SCHIP1: variants seen among roughly 807,000 people sequenced by gnomAD.
SCHIP1 encodes the protein schwannomin-interacting protein 1.
Under a neutral mutation model 29.7 loss-of-function variants are expected in SCHIP1, and 8 were observed. The observed-to-expected ratio is 0.27, with a 90% CI of 0.16 to 0.49. The LOEUF is 0.49. Among genes scored for constraint, SCHIP1 ranks in the 20% least tolerant of loss-of-function variants. SCHIP1 has a pLI of 0.99. For missense variants in SCHIP1, 193 were observed against 294.6 expected (o/e 0.66, Z 2.52); for synonymous variants, 76 against 94.9 (o/e 0.80, Z 1.16).
At chr3:159,671,581 T>A in the SCHIP1 span, among the ~76,000 whole-genome samples, 1 of 152,164 alleles carries the variant, frequency 6.6e-6, no homozygotes, top group African/African-American at 2.4e-5. Context: ...ATGTGAACCA[T>A]AATATGGATC....
the SCHIP1 span, among the ~76,000 whole-genome samples, chr3:159,616,223 T>C: frequency 6.6e-6 from 1 of 152,202 alleles, no homozygotes; most frequent in Middle Eastern, 3.2e-3. Context: ...CTCAGCCTCC[T>C]GAGTAGTTGG....
At chr3:159,451,747 A>G in the SCHIP1 span, among the ~76,000 whole-genome samples, 1 of 152,174 alleles carries the variant, frequency 6.6e-6, no homozygotes, top group Non-Finnish European at 1.5e-5. Context: ...AGAAGGAAAA[A>G]TAATGCACGT....
the SCHIP1 span, among the ~76,000 whole-genome samples, chr3:159,795,085 G>GT: frequency 2.0e-5 from 3 of 152,308 alleles, no homozygotes; most frequent in East Asian, 5.8e-4. Flanking sequence ...TAAAGGAGCG[G>GT]TGAACTGTAC....
upstream of SCHIP1, among the ~76,000 whole-genome samples, chr3:159,838,359 C>T (rs1743873621): frequency 6.6e-6 from 1 of 152,184 alleles, no homozygotes; most frequent in African/African-American, 2.4e-5. Flanking sequence ...ACTTGTCAAA[C>T]ATGTCAATTC....
the SCHIP1 span, among the ~76,000 whole-genome samples, chr3:159,341,389 A>C: frequency 8.6e-5 from 13 of 151,728 alleles, no homozygotes; most frequent in Admixed American, 7.9e-4. Flanking sequence ...TTAAAGAAAA[A>C]CTCTTTCTCA....
chr3:159,769,665 G>A, the SCHIP1 span, among the ~76,000 whole-genome samples: 9 of 152,258 alleles, frequency 5.9e-5, no homozygotes, highest in South Asian at 4.1e-4. Flanking sequence ...CAGGAGAATC[G>A]CTTAAACCCA....
At chr3:159,810,138 C>T in the SCHIP1 span, among the ~76,000 whole-genome samples, 25 of 152,306 alleles carry the variant, frequency 1.6e-4, no homozygotes, top group Middle Eastern at 0.014. Flanking sequence ...CTCCGCCTCC[C>T]GGGTTCAAGT....
At chr3:159,310,383 T>C in the SCHIP1 span, among the ~76,000 whole-genome samples, 1 of 152,198 alleles carries the variant, frequency 6.6e-6, no homozygotes, top group Non-Finnish European at 1.5e-5. Flanking sequence ...AGCTTTGTTT[T>C]TTAAAAAATG....
At chr3:159,862,914 T>C (rs1344226977) in intron 1 of SCHIP1, among the ~76,000 whole-genome samples, 1 of 152,200 alleles carries the variant, frequency 6.6e-6, no homozygotes, top group Non-Finnish European at 1.5e-5. Context: ...TTGGAACAGC[T>C]TTTTTCGAGA....
chr3:159,344,833 C>T, the SCHIP1 span, among the ~76,000 whole-genome samples: 2 of 152,128 alleles, frequency 1.3e-5, no homozygotes, highest in African/African-American at 2.4e-5. Flanking sequence ...TTGTGACAAA[C>T]GTATCATACT....
At chr3:159,630,819 G>T in the SCHIP1 span, among the ~76,000 whole-genome samples, 1 of 152,108 alleles carries the variant, frequency 6.6e-6, no homozygotes, top group Non-Finnish European at 1.5e-5. Flanking sequence ...CGCCACTAAA[G>T]AACTTATTCA....
At chr3:159,676,843 T>C in the SCHIP1 span, among the ~76,000 whole-genome samples, 1 of 152,150 alleles carries the variant, frequency 6.6e-6, no homozygotes, top group African/African-American at 2.4e-5. Flanking sequence ...GTCTTCCTAC[T>C]CAGAATTTTA....
chr3:159,738,300 C>A, the SCHIP1 span, among the ~76,000 whole-genome samples: 2 of 150,748 alleles, frequency 1.3e-5, no homozygotes, highest in Non-Finnish European at 3.0e-5. Context: ...TAGTAGTAAC[C>A]AACATAAGCA....
chr3:159,624,831 A>G, the SCHIP1 span, among the ~76,000 whole-genome samples: 1 of 152,098 alleles, frequency 6.6e-6, no homozygotes, highest in African/African-American at 2.4e-5. Context: ...CACCTGAGGG[A>G]CTTGTTTGGG....
chr3:159,386,522 T>C, the SCHIP1 span, among the ~76,000 whole-genome samples: 1 of 152,148 alleles, frequency 6.6e-6, no homozygotes, highest in African/African-American at 2.4e-5. Flanking sequence ...ATTGACTTTC[T>C]TCACAGTATT....
the SCHIP1 span, among the ~76,000 whole-genome samples, chr3:159,769,153 G>A: frequency 2.0e-5 from 3 of 152,090 alleles, no homozygotes; most frequent in Non-Finnish European, 4.4e-5. Flanking sequence ...GGACTGGACA[G>A]TTTTCCCTCT....
chr3:159,685,164 C>T, the SCHIP1 span, among the ~76,000 whole-genome samples: 1 of 152,290 alleles, frequency 6.6e-6, no homozygotes, highest in African/African-American at 2.4e-5. Context: ...AAAATCCCTG[C>T]CCCCCAAGGA....
chr3:159,822,662 T>C, the SCHIP1 span, among the ~76,000 whole-genome samples: 2 of 143,180 alleles, frequency 1.4e-5, no homozygotes, highest in Non-Finnish European at 3.1e-5. Flanking sequence ...TTACTTCCAA[T>C]GGCAAAAACC....
At chr3:159,686,569 T>A in the SCHIP1 span, among the ~76,000 whole-genome samples, 1 of 152,132 alleles carries the variant, frequency 6.6e-6, no homozygotes. Context: ...AATAAAAATG[T>A]TTATTATATT....
Sources: gnomAD v4.1 joint callset for allele counts (sites outside exome capture counted in the v4.1 genomes callset) on GRCh38, gnomAD v4.1.1 for gene constraint, MANE v1.5 for transcripts, NCBI Gene and HGNC (gene_info 2026-07-23, HGNC 2026-07-21) for gene names.